HEMK2: variants seen among roughly 807,000 people sequenced by gnomAD.
HEMK2 encodes methyltransferase HEMK2.
At chr21:28,752,021 A>C in the HEMK2 span, among the ~76,000 whole-genome samples, 2 of 152,256 alleles carry the variant, frequency 1.3e-5, no homozygotes, top group Non-Finnish European at 2.9e-5. Flanking sequence ...GGGAAAGAAT[A>C]AATTGAACAG....
At chr21:28,686,576 T>C in the HEMK2 span, among the ~76,000 whole-genome samples, 2 of 152,188 alleles carry the variant, frequency 1.3e-5, no homozygotes, top group Non-Finnish European at 2.9e-5. Context: ...TAAATTTCTT[T>C]ATATAGACAG....
chr21:28,598,689 C>A, the HEMK2 span, among the ~76,000 whole-genome samples: 10 of 152,150 alleles, frequency 6.6e-5, no homozygotes, highest in Non-Finnish European at 1.3e-4. Flanking sequence ...AATTATTGAG[C>A]CTGAGGGTGA....
the HEMK2 span, among the ~76,000 whole-genome samples, chr21:28,719,226 C>A: frequency 1.3e-5 from 2 of 152,156 alleles, no homozygotes; most frequent in Non-Finnish European, 2.9e-5. Flanking sequence ...AGGGGCATTG[C>A]TCATTTTCTG....
chr21:28,739,013 G>A, the HEMK2 span, among the ~76,000 whole-genome samples: 2 of 152,080 alleles, frequency 1.3e-5, no homozygotes, highest in South Asian at 2.1e-4. Context: ...ACACTGGATC[G>A]TAAACCACAG....
the HEMK2 span, among the ~76,000 whole-genome samples, chr21:28,758,792 G>C: frequency 6.6e-6 from 1 of 152,128 alleles, no homozygotes; most frequent in Non-Finnish European, 1.5e-5. Context: ...AGGTACCAGG[G>C]GAAGCTGGTG....
the HEMK2 span, among the ~76,000 whole-genome samples, chr21:28,633,925 G>C: frequency 3.9e-5 from 6 of 152,174 alleles, no homozygotes. Flanking sequence ...GTGAAGTTCT[G>C]ATAGTCACCA....
the HEMK2 span, among the ~76,000 whole-genome samples, chr21:28,657,527 A>G: frequency 6.6e-6 from 1 of 152,088 alleles, no homozygotes; most frequent in African/African-American, 2.4e-5. Flanking sequence ...GAAAACACAA[A>G]TTGGTTGACA....
At chr21:28,824,557 T>C in the HEMK2 span, among the ~76,000 whole-genome samples, 6,923 of 152,232 alleles carry the variant, frequency 0.045, 205 homozygotes, top group East Asian at 0.15. Context: ...ATTCCAATTA[T>C]AGATAAAGCA....
At chr21:28,731,382 C>T in the HEMK2 span, among the ~76,000 whole-genome samples, 1 of 152,154 alleles carries the variant, frequency 6.6e-6, no homozygotes, top group Admixed American at 6.5e-5. Flanking sequence ...ACGTCCCATA[C>T]TCAGAATCTG....
At chr21:28,695,220 G>T in the HEMK2 span, among the ~76,000 whole-genome samples, 1 of 152,082 alleles carries the variant, frequency 6.6e-6, no homozygotes, top group Non-Finnish European at 1.5e-5. Context: ...CATTCAGACT[G>T]CTACAACAAA....
the HEMK2 span, among the ~76,000 whole-genome samples, chr21:28,846,282 G>C: frequency 1.3e-5 from 2 of 152,086 alleles, no homozygotes; most frequent in Admixed American, 6.6e-5. Flanking sequence ...CTTTATGGTA[G>C]AAATGATTTC....
chr21:28,845,235 A>G, the HEMK2 span, among the ~76,000 whole-genome samples: 9 of 152,120 alleles, frequency 5.9e-5, no homozygotes, highest in Non-Finnish European at 1.0e-4. Flanking sequence ...TCACACTAAA[A>G]TGAACTACTA....
chr21:28,826,639 G>A, the HEMK2 span, among the ~76,000 whole-genome samples: 3 of 152,188 alleles, frequency 2.0e-5, no homozygotes, highest in African/African-American at 4.8e-5. Context: ...AACAGAAAAC[G>A]TTTAACAGTA....
the HEMK2 span, among the ~76,000 whole-genome samples, chr21:28,678,869 T>G: frequency 3.3e-4 from 50 of 152,316 alleles, no homozygotes; most frequent in Admixed American, 1.1e-3. Flanking sequence ...CCACCAGGCC[T>G]GCCCTAAAAG....
the HEMK2 span, among the ~76,000 whole-genome samples, chr21:28,676,766 C>A: frequency 6.6e-6 from 1 of 152,176 alleles, no homozygotes. Context: ...CCCCTTTTGC[C>A]CAATAAATTC....
At chr21:28,828,990 C>G in the HEMK2 span, among the ~76,000 whole-genome samples, 1 of 152,158 alleles carries the variant, frequency 6.6e-6, no homozygotes, top group African/African-American at 2.4e-5. Flanking sequence ...GACCTGCATT[C>G]CTTTACATTC....
the HEMK2 span, among the ~76,000 whole-genome samples, chr21:28,577,682 T>C: frequency 6.6e-6 from 1 of 152,192 alleles, no homozygotes; most frequent in Non-Finnish European, 1.5e-5. Flanking sequence ...AATAAATAAT[T>C]TTTAGTATCT....
chr21:28,834,382 C>A, the HEMK2 span, among the ~76,000 whole-genome samples: 1 of 152,334 alleles, frequency 6.6e-6, no homozygotes, highest in Non-Finnish European at 1.5e-5. Context: ...TGAACTCACA[C>A]TCCCACTGGA....
chr21:28,828,290 G>GGAT, the HEMK2 span, among the ~76,000 whole-genome samples: 41 of 152,114 alleles, frequency 2.7e-4, no homozygotes, highest in Non-Finnish European at 5.1e-4. Flanking sequence ...TGGAGCAGTG[G>GGAT]GATTTAGATG....
Sources: allele counts gnomAD v4.1 joint callset (sites outside exome capture counted in the v4.1 genomes callset), GRCh38; gene constraint gnomAD v4.1.1; transcripts MANE v1.5; gene names NCBI Gene and HGNC (gene_info 2026-07-23, HGNC 2026-07-21).